The following DTL variants were observed in gnomAD, a reference collection of about 807,000 sequenced individuals.
DTL encodes the protein denticleless protein homolog.
In DTL, 46 loss-of-function variants were observed where a neutral mutation model predicts 87.0. That is an observed-to-expected ratio of 0.53 (90% CI 0.42 to 0.68). DTL has a LOEUF of 0.68. Ranked by LOEUF, DTL falls within the 30% of genes least tolerant of loss-of-function variation. The probability of loss-of-function intolerance (pLI) is 0.00; values close to 1 mark genes in which losing one functional copy is unlikely to be tolerated. For synonymous variants in DTL, 308 were observed against 311.2 expected (o/e 0.99, Z 0.11); for missense variants, 737 against 869.4 (o/e 0.85, Z 1.91).
At chr1:212,056,206 G>A (rs1668172727) in intron 5 of DTL, among the ~76,000 whole-genome samples, 2 of 152,272 alleles carry the variant, frequency 1.3e-5, no homozygotes, top group Non-Finnish European at 2.9e-5. Flanking sequence ...CTACCTGCCT[G>A]GATCCATTAA....
At chr1:212,069,416 A>T (rs1654603362) in intron 10 of DTL, among the ~76,000 whole-genome samples, 1 of 152,116 alleles carries the variant, frequency 6.6e-6, no homozygotes, top group African/African-American at 2.4e-5. Flanking sequence ...TCTTTCAAAA[A>T]CACTTTGAAT....
At chr1:212,037,259 C>G (rs1667504104) in intron 1 of DTL, among the ~76,000 whole-genome samples, 1 of 152,122 alleles carries the variant, frequency 6.6e-6, no homozygotes. Flanking sequence ...TCCCTCTTTC[C>G]TATTCTCAAG....
intron 13 of DTL, among the ~76,000 whole-genome samples, chr1:212,088,576 G>A (rs1167704331): frequency 6.6e-6 from 1 of 152,220 alleles, no homozygotes; most frequent in East Asian, 1.9e-4. Flanking sequence ...ATTCTTCACA[G>A]TGGAGTTAAC....
At chr1:212,036,004 C>A in intron 1 of DTL, 62 bp downstream of exon 1, 1 of 1,523,658 alleles carries the variant, frequency 6.6e-7, no homozygotes, top group South Asian at 1.1e-5. Context: ...GAAACACACG[C>A]CACCTCCGAC....
Position 212,100,499 on chromosome 1 carries a change from C to G in DTL, c.1509C>G (p.Asn503Lys), listed in dbSNP as rs1448087679. The change falls in exon 14 of 15, where the codon AAC becomes AAG. Residue 503 changes from asparagine (N) to lysine (K), a missense_variant. By Grantham distance (94) the Asn-to-Lys change is moderately conservative. Coordinates refer to ENST00000366991, the MANE Select transcript of DTL (RefSeq NM_016448.4). ...CATCTTTCAAGATGTCGATTAGAAACTGGGTGACCCGAACACCTTCCTCAT... is the reference window on the plus strand; with the variant it reads ...CATCTTTCAAGATGTCGATTAGAAAGTGGGTGACCCGAACACCTTCCTCAT... ...PPSSFKMSIR[N>K]WVTRTPSSSP... 1.2e-6 allele frequency: 2 copies of G among 1,613,948 alleles called. No homozygotes were observed. Among genetic ancestry groups the G allele is most frequent in the Admixed American group, 3.3e-5 (2 of 59,980 alleles).
At chr1:212,062,073 C>T (rs573867392) in intron 5 of DTL, among the ~76,000 whole-genome samples, 1 of 152,270 alleles carries the variant, frequency 6.6e-6, no homozygotes, top group Admixed American at 6.5e-5. Context: ...TTGATCATAA[C>T]ACATTCTATG....
chr1:212,075,733 A>G (rs1654808888), intron 11 of DTL, among the ~76,000 whole-genome samples: 1 of 152,146 alleles, frequency 6.6e-6, no homozygotes, highest in South Asian at 2.1e-4. Context: ...CATATAACAT[A>G]TAATTCACCA....
chr1:212,052,992 C>T (rs530166363), intron 5 of DTL, among the ~76,000 whole-genome samples: 2 of 152,284 alleles, frequency 1.3e-5, no homozygotes, highest in Admixed American at 6.5e-5. Flanking sequence ...TCACCCATTC[C>T]TTCCAACCTT....
rs948250180 is a variant in DTL at position 212,104,019 on chromosome 1, T to C, written c.*1079T>C. The C allele has an allele frequency of 1.3e-5, 2 of 152,190 alleles. No homozygotes were observed. The highest frequency in any genetic ancestry group is 4.8e-5 in the African/African-American group (2 of 41,456). The allele number at this position is 152,190 out of a possible 1,614,324, so 9.4% of individuals were successfully genotyped here. Reference sequence around the variant, plus strand: ...AATAGAATTTTCTCTAGATATTTAATACAGAGAGTGTATAGACTGACTCTA... The same window carrying C: ...AATAGAATTTTCTCTAGATATTTAACACAGAGAGTGTATAGACTGACTCTA... On this transcript the variant is annotated 3_prime_UTR_variant, in exon 15 of 15. Transcript: ENST00000366991.
chr1:212,056,735 A>G (rs886857507), intron 5 of DTL, among the ~76,000 whole-genome samples: 1 of 152,168 alleles, frequency 6.6e-6, no homozygotes, highest in South Asian at 2.1e-4. Flanking sequence ...CTGAAAGACA[A>G]TACAAAGAAA....
intron 6 of DTL, 116 bp from the exon 7 acceptor site, chr1:212,064,801 G>A (rs1246739609): frequency 1.3e-6 from 1 of 763,286 alleles, no homozygotes; most frequent in East Asian, 2.5e-5. Flanking sequence ...TGGCTCTGCT[G>A]GCTTCTAATT....
At chr1:212,076,191 A>T (rs895389967) in intron 11 of DTL, among the ~76,000 whole-genome samples, 3 of 152,144 alleles carry the variant, frequency 2.0e-5, no homozygotes, top group African/African-American at 7.2e-5. Flanking sequence ...TTCTTGTTTA[A>T]CATAGGTTTT....
chr1:212,075,697 C>G (rs1654806987), intron 11 of DTL, among the ~76,000 whole-genome samples: 1 of 152,136 alleles, frequency 6.6e-6, no homozygotes, highest in Admixed American at 6.5e-5. Context: ...GCCCTTCCTC[C>G]CATTTTTCCT....
chr1:212,096,515 T>G (rs1655456138), intron 13 of DTL, among the ~76,000 whole-genome samples: 1 of 152,248 alleles, frequency 6.6e-6, no homozygotes, highest in South Asian at 2.1e-4. Context: ...CTTAATGCTG[T>G]GAACTTTCCT....
intron 13 of DTL, among the ~76,000 whole-genome samples, chr1:212,090,745 A>T (rs11119845): frequency 0.016 from 2,461 of 152,376 alleles, 38 homozygotes; most frequent in South Asian, 0.099. Flanking sequence ...GGAAAATAGT[A>T]GTCATTTGTA....
rs755173703 is a variant in DTL at position 212,068,603 on chromosome 1, T to TTC, written c.823_824dup (p.Ser276GlnfsTer3). On this transcript the variant is annotated frameshift_variant, in exon 10 of 15. Coordinates refer to ENST00000366991, the MANE Select transcript of DTL (RefSeq NM_016448.4). LOFTEE classifies it high-confidence loss of function. ...ACTTAAGTTTCCTTTTTCCAGGATATTCAAGTCTGATTTTGGATTCCACTG... is the reference window on the plus strand; with the variant it reads ...ACTTAAGTTTCCTTTTTCCAGGATATTCTCAAGTCTGATTTTGGATTCCACTG... 3.1e-6 allele frequency: 5 copies of TTC among 1,608,094 alleles called. No individual in the cohort carries two copies. The highest frequency in any genetic ancestry group is 3.4e-6 in the Non-Finnish European group (4 of 1,174,890).
intron 7 of DTL, among the ~76,000 whole-genome samples, chr1:212,066,118 T>C (rs1295153716): frequency 6.6e-6 from 1 of 152,202 alleles, no homozygotes; most frequent in South Asian, 2.1e-4. Flanking sequence ...CCTTTTTCTT[T>C]AAAAAATTGC....
Position 212,066,811 on chromosome 1 carries a change from G to A in DTL, c.640-1G>A. 6.2e-7 allele frequency: 1 copy of A among 1,613,194 alleles called. No homozygotes were observed. The highest frequency in any genetic ancestry group is 8.5e-7 in the Non-Finnish European group (1 of 1,179,258). ...ATCTTCTTCTTTTCTTGTGCTATCA[G>A]GATTTCCAGCAAAGTGTTACTGTGG... On this transcript the variant is annotated splice_acceptor_variant, in intron 7 of 14. Coordinates refer to ENST00000366991, the MANE Select transcript of DTL (RefSeq NM_016448.4). LOFTEE classifies it high-confidence loss of function.
chr1:212,053,535 C>A (rs1668063063), intron 5 of DTL, among the ~76,000 whole-genome samples: 1 of 152,060 alleles, frequency 6.6e-6, no homozygotes, highest in African/African-American at 2.4e-5. Context: ...TGAGATTTAT[C>A]ATCTTTTTAT....
Sources: gnomAD v4.1 joint callset for allele counts (sites outside exome capture counted in the v4.1 genomes callset) on GRCh38, gnomAD v4.1.1 for gene constraint, MANE v1.5 for transcripts, NCBI Gene and HGNC (gene_info 2026-07-23, HGNC 2026-07-21) for gene names.